PRR16: variants seen among roughly 807,000 people sequenced by gnomAD.
The protein encoded by PRR16 is protein Largen.
PRR16 carries 6 observed loss-of-function variants against 18.2 expected under a neutral mutation model. That is an observed-to-expected ratio of 0.33 (90% CI 0.18 to 0.65). The LOEUF (loss-of-function observed/expected upper bound fraction) is 0.65, where lower values mean the gene tolerates loss of function less well. PRR16 is among the 30% of genes least tolerant of loss of function. The pLI, the probability that PRR16 is intolerant of heterozygous loss-of-function variation, is 0.74. For synonymous variants in PRR16, 151 were observed against 147.8 expected (o/e 1.02, Z -0.16); for missense variants, 412 against 376.6 (o/e 1.09, Z -0.78).
intron 1 of PRR16, among the ~76,000 whole-genome samples, chr5:120,605,293 T>C (rs1164977640): frequency 6.6e-6 from 1 of 152,224 alleles, no homozygotes; most frequent in Non-Finnish European, 1.5e-5. Context: ...GGAGAAGTCT[T>C]TGAGATTCTT....
chr5:120,578,547 T>C (rs1753157194), intron 1 of PRR16, among the ~76,000 whole-genome samples: 1 of 152,238 alleles, frequency 6.6e-6, no homozygotes, highest in Non-Finnish European at 1.5e-5. Context: ...GGCTTCCAGC[T>C]TCATTCATGT....
chr5:120,571,479 CA>C (rs1338204997), intron 1 of PRR16, among the ~76,000 whole-genome samples: 2 of 152,068 alleles, frequency 1.3e-5, no homozygotes, highest in Non-Finnish European at 2.9e-5. Flanking sequence ...GTAGGGCTAT[CA>C]AAGCTGTTGT....
intron 1 of PRR16, among the ~76,000 whole-genome samples, chr5:120,590,104 G>A (rs569964582): frequency 6.6e-6 from 1 of 152,116 alleles, no homozygotes; most frequent in Admixed American, 6.6e-5. Flanking sequence ...ACATTTAGCT[G>A]TAAGAGTAGT....
At chr5:120,596,749 T>G (rs1209540063) in intron 1 of PRR16, among the ~76,000 whole-genome samples, 1 of 151,782 alleles carries the variant, frequency 6.6e-6, no homozygotes, top group Non-Finnish European at 1.5e-5. Context: ...CAATTTCATA[T>G]TTATTATTAT....
intron 1 of PRR16, among the ~76,000 whole-genome samples, chr5:120,564,526 C>A (rs1008297322): frequency 6.6e-6 from 1 of 152,104 alleles, no homozygotes; most frequent in Admixed American, 6.5e-5. Context: ...CTTTGCTCTC[C>A]GCTATAACAA....
At chr5:120,516,747 A>G (rs1446519285) in intron 1 of PRR16, among the ~76,000 whole-genome samples, 1 of 152,144 alleles carries the variant, frequency 6.6e-6, no homozygotes, top group Non-Finnish European at 1.5e-5. Context: ...GATTGGTGAT[A>G]TTTCATAGAT....
At chr5:120,468,691 T>C (rs1374941862) in intron 1 of PRR16, among the ~76,000 whole-genome samples, 1 of 152,216 alleles carries the variant, frequency 6.6e-6, no homozygotes, top group African/African-American at 2.4e-5. Flanking sequence ...TAAATGCTGG[T>C]ATTAATATGG....
rs532668061 is a variant in PRR16 at position 120,510,454 on chromosome 5, T to C, written c.159+45809T>C. Among the ~76,000 whole-genome samples, 3 of 152,346 alleles carry C rather than the reference T, an allele frequency of 2.0e-5. 1 individual carries two copies. The highest frequency in any genetic ancestry group is 7.2e-5 in the African/African-American group (3 of 41,596). On this transcript the variant is annotated intron_variant, in intron 1 of 1. Coordinates refer to ENST00000407149, the MANE Select transcript of PRR16 (RefSeq NM_001300783.2). ...AAATTACTGCCTGGCATGCTTATCA[T>C]TGTGCAACAGAGCCTGCTATCTGTG...
chr5:120,544,488 A>G (rs1045501456), intron 1 of PRR16, among the ~76,000 whole-genome samples: 1 of 152,226 alleles, frequency 6.6e-6, no homozygotes, highest in East Asian at 1.9e-4. Flanking sequence ...AACCTAGTAT[A>G]TGCACACACA....
chr5:120,631,734 C>G (rs150315566), intron 1 of PRR16, among the ~76,000 whole-genome samples: 1 of 152,104 alleles, frequency 6.6e-6, no homozygotes, highest in Admixed American at 6.5e-5. Context: ...CCTGCCCCGA[C>G]CTGATGGTCT....
the PRR16 span, among the ~76,000 whole-genome samples, chr5:120,730,738 T>C: frequency 6.6e-6 from 1 of 152,140 alleles, no homozygotes; most frequent in East Asian, 1.9e-4. Flanking sequence ...AGTGAAGGTA[T>C]GAAATATAAG....
the PRR16 span, among the ~76,000 whole-genome samples, chr5:120,765,134 A>ATATGGTTCTAAAATGAAAT: frequency 6.6e-6 from 1 of 152,090 alleles, no homozygotes; most frequent in East Asian, 1.9e-4. Context: ...GAACAAAATT[A>ATATGGTTCTAAAATGAAAT]TATGGTTCTA....
intron 1 of PRR16, among the ~76,000 whole-genome samples, chr5:120,586,949 A>G (rs1449223660): frequency 6.6e-6 from 1 of 152,234 alleles, no homozygotes; most frequent in Non-Finnish European, 1.5e-5. Flanking sequence ...TGTGAATTCA[A>G]TGGAAAGATT....
chr5:120,626,881 A>G (rs7719971), intron 1 of PRR16, among the ~76,000 whole-genome samples: 66,686 of 151,948 alleles, frequency 0.44, 15,546 homozygotes, highest in East Asian at 0.87. Context: ...TCTCTTGGAT[A>G]TGATAAACTG....
chr5:120,769,118 T>G, the PRR16 span, among the ~76,000 whole-genome samples: 1 of 151,760 alleles, frequency 6.6e-6, no homozygotes, highest in Non-Finnish European at 1.5e-5. Flanking sequence ...ATACACCTAT[T>G]TAATATCAGA....
chr5:120,759,193 G>T, the PRR16 span, among the ~76,000 whole-genome samples: 2 of 151,850 alleles, frequency 1.3e-5, no homozygotes, highest in Non-Finnish European at 2.9e-5. Flanking sequence ...AGCCAGGATG[G>T]TATTGATCTC....
chr5:120,569,219 T>C (rs1257173390), intron 1 of PRR16, among the ~76,000 whole-genome samples: 1 of 152,206 alleles, frequency 6.6e-6, no homozygotes, highest in African/African-American at 2.4e-5. Context: ...CGTCTGTAAG[T>C]ATTAAGCCAT....
the PRR16 span, among the ~76,000 whole-genome samples, chr5:120,713,176 G>A: frequency 6.6e-6 from 1 of 152,092 alleles, no homozygotes; most frequent in South Asian, 2.1e-4. Context: ...ACTGCCATTT[G>A]TGACAACATG....
intron 1 of PRR16, chr5:120,481,175 TC>T: frequency 1.0e-6 from 1 of 999,884 alleles, no homozygotes; most frequent in Non-Finnish European, 1.4e-6. Flanking sequence ...GGAGATGAAG[TC>T]CCACTCTGTT....
Sources: gnomAD v4.1 joint callset for allele counts (sites outside exome capture counted in the v4.1 genomes callset) on GRCh38, gnomAD v4.1.1 for gene constraint, MANE v1.5 for transcripts, NCBI Gene and HGNC (gene_info 2026-07-23, HGNC 2026-07-21) for gene names.